Variants in GSTA2 observed in about 807,000 individuals in gnomAD.
GSTA2 encodes the protein glutathione S-transferase A2.
In GSTA2, 27 loss-of-function variants were observed where a neutral mutation model predicts 22.4. The ratio of observed to expected loss-of-function variants is 1.21; its 90% CI spans 0.89 to 1.67. The LOEUF is 1.67. Ranked by LOEUF, GSTA2 falls within the 40% of genes most tolerant of loss-of-function variation. The pLI, the probability that GSTA2 is intolerant of heterozygous loss-of-function variation, is 0.00. For missense variants in GSTA2, 302 were observed against 260.2 expected, an observed-to-expected ratio of 1.16 and a Z score of -1.11; for synonymous variants, 121 against 86.8, an observed-to-expected ratio of 1.39 and a Z score of -2.19.
chr6:52,750,676 G>A lies in GSTA2; in HGVS notation c.570C>T (p.Asn190=). The part of the protein sequence containing the change: ...LLKALKTRIS[N]LPTVKKFLQP... ...GTAGAAACTTCTTCACTGTGGGCAGGTTACTGATTCTGGTTTTCAGGGCCT... is the reference window on the plus strand; with the variant it reads ...GTAGAAACTTCTTCACTGTGGGCAGATTACTGATTCTGGTTTTCAGGGCCT... The change falls in exon 7 of 7, where the codon AAC becomes AAT. Residue 190 remains asparagine, a synonymous_variant. Transcript: ENST00000493422. 1 of 1,613,022 alleles carries A rather than the reference G, an allele frequency of 6.2e-7. No individual in the cohort carries two copies. Among genetic ancestry groups the A allele is most frequent in the Non-Finnish European group, 8.5e-7 (1 of 1,179,808 alleles).
chr6:52,752,479 G>A (rs1762762351), intron 5 of GSTA2, among the ~76,000 whole-genome samples: 1 of 152,178 alleles, frequency 6.6e-6, no homozygotes, highest in Non-Finnish European at 1.5e-5. Context: ...GTGCCAGAAT[G>A]TTTTCTGATG....
At chr6:52,756,635 T>G (rs2749005) in intron 2 of GSTA2, among the ~76,000 whole-genome samples, 111,080 of 152,138 alleles carry the variant, frequency 0.73, 41,470 homozygotes, top group African/African-American at 0.88. Context: ...TGTTGTCATA[T>G]CTTAGGAAAG....
chr6:52,753,020 G>A (rs370446598), intron 4 of GSTA2, 25 bp from the exon 5 acceptor site: 4 of 1,574,150 alleles, frequency 2.5e-6, no homozygotes, highest in South Asian at 2.4e-5. Context: ...CAACCAAATG[G>A]TCAAATATCT....
rs192840784 is a variant in GSTA2 at position 52,752,849 on chromosome 6, C to T, written c.414+5G>A. 240 of 1,613,678 alleles carry T rather than the reference C, an allele frequency of 1.5e-4. No homozygotes were observed. The highest frequency in any genetic ancestry group is 1.9e-4 in the Non-Finnish European group (220 of 1,179,732). On this transcript the variant is annotated splice_donor_5th_base_variant and intron_variant, in intron 5 of 6. Transcript: ENST00000493422. ...TTCCCCAAAACACTGAACAGCTTCA[C>T]TTACTTTTTCAAAGGCAGGGAAGTA...
At chr6:52,760,252 T>C (rs898978454) in intron 1 of GSTA2, among the ~76,000 whole-genome samples, 18 of 152,206 alleles carry the variant, frequency 1.2e-4, no homozygotes, top group African/African-American at 4.1e-4. Context: ...TCGAGGATCA[T>C]GTTTCAAAAG....
intron 4 of GSTA2, among the ~76,000 whole-genome samples, chr6:52,754,711 G>C (rs1436713538): frequency 6.6e-6 from 1 of 152,094 alleles, no homozygotes; most frequent in African/African-American, 2.4e-5. Flanking sequence ...ACCTTTGTCA[G>C]GGTGCTGTGT....
intron 4 of GSTA2, among the ~76,000 whole-genome samples, 157 bp from the exon 5 acceptor site, chr6:52,753,152 G>A (rs1309402480): frequency 6.8e-6 from 1 of 146,776 alleles, no homozygotes; most frequent in African/African-American, 2.7e-5. Flanking sequence ...AGTTTTACAG[G>A]TATATAGTCA....
intron 3 of GSTA2, among the ~76,000 whole-genome samples, chr6:52,755,919 T>C (rs565300737): frequency 2.8e-4 from 42 of 152,298 alleles, no homozygotes; most frequent in African/African-American, 9.6e-4. Context: ...GTCTAATGCA[T>C]GTTCTTGCAT....
At chr6:52,756,044 C>T (rs1762836490) in intron 3 of GSTA2, among the ~76,000 whole-genome samples, 1 of 152,142 alleles carries the variant, frequency 6.6e-6, no homozygotes, top group Non-Finnish European at 1.5e-5. Flanking sequence ...GATTGTTCCT[C>T]TAGCAAATAC....
At chr6:52,761,667 C>T (rs919654095) in intron 1 of GSTA2, among the ~76,000 whole-genome samples, 21 of 150,482 alleles carry the variant, frequency 1.4e-4, no homozygotes, top group African/African-American at 4.8e-4. Flanking sequence ...GGTAACACAG[C>T]CTTGCTTAGC....
chr6:52,762,664 C>T (rs1442646743), intron 1 of GSTA2, among the ~76,000 whole-genome samples: 3 of 152,304 alleles, frequency 2.0e-5, no homozygotes, highest in Non-Finnish European at 4.4e-5. Context: ...GCAGGTCCTC[C>T]ATATGCTGAG....
intron 4 of GSTA2, among the ~76,000 whole-genome samples, chr6:52,753,751 G>A (rs1762789926): frequency 6.6e-6 from 1 of 152,192 alleles, no homozygotes; most frequent in Non-Finnish European, 1.5e-5. Flanking sequence ...CACCTCTTAT[G>A]TTATACTATT....
chr6:52,757,845 C>T lies in GSTA2; in HGVS notation c.87+16G>A, dbSNP rs775912911. ...AATCGTAAATCTGACTTAAGATGAC[C>T]TAACTCAGAACCTACCTCTACTCCA... On this transcript the variant is annotated intron_variant, in intron 2 of 6. Transcript: ENST00000493422. 6.2e-7 allele frequency: 1 copy of T among 1,603,930 alleles called. No individual in the cohort carries two copies.
Position 52,750,430 on chromosome 6 carries a change from T to G in GSTA2, c.*147A>C, listed in dbSNP as rs1762713894. 5.9e-6 allele frequency: 4 copies of G among 673,802 alleles called. No homozygotes were observed. The East Asian group carries it at 1.1e-4, about 19-fold the overall frequency. 41.7% of individuals were successfully genotyped at this position (673,802 alleles called of 1,614,324 possible). On this transcript the variant is annotated 3_prime_UTR_variant, in exon 7 of 7. Coordinates refer to ENST00000493422, the MANE Select transcript of GSTA2 (RefSeq NM_000846.5). ...AATCAATTTTAACTAAGTGGGTGAA[T>G]AGGAGTTGTATTATTTAATTAGCAT...
intron 6 of GSTA2, 108 bp downstream of exon 6, chr6:52,751,469 G>A (rs1762733877): frequency 6.3e-7 from 1 of 1,595,314 alleles, no homozygotes; most frequent in Non-Finnish European, 8.6e-7. Flanking sequence ...GGGCACCAAA[G>A]GCCTGGAGAA....
intron 5 of GSTA2, 141 bp downstream of exon 5, chr6:52,752,713 A>T: frequency 1.0e-6 from 1 of 990,020 alleles, no homozygotes. Context: ...TTTTCATAAA[A>T]TGCCTTGAGA....
intron 3 of GSTA2, among the ~76,000 whole-genome samples, chr6:52,755,420 G>A (rs1277980500): frequency 6.6e-6 from 1 of 152,038 alleles, no homozygotes; most frequent in Non-Finnish European, 1.5e-5. Context: ...CACCATGTTG[G>A]CCAAACTGGT....
chr6:52,750,679 A>G lies in GSTA2; in HGVS notation c.567T>C (p.Ser189=), dbSNP rs757814430. ...GAAACTTCTTCACTGTGGGCAGGTTACTGATTCTGGTTTTCAGGGCCTGTA... is the reference window on the plus strand; with the variant it reads ...GAAACTTCTTCACTGTGGGCAGGTTGCTGATTCTGGTTTTCAGGGCCTGTA... ...PLLKALKTRI[S]NLPTVKKFLQ... is the part of the protein sequence containing the mutation. Residue 189 remains serine (S), a synonymous_variant, in exon 7 of 7, where the codon AGT becomes AGC. Coordinates refer to ENST00000493422, the MANE Select transcript of GSTA2 (RefSeq NM_000846.5). 1.9e-6 allele frequency: 3 copies of G among 1,612,890 alleles called. No individual in the cohort carries two copies. Among genetic ancestry groups the G allele is most frequent in the East Asian group, 2.2e-5 (1 of 44,862 alleles).
intron 2 of GSTA2, among the ~76,000 whole-genome samples, 175 bp downstream of exon 2, chr6:52,757,686 G>T (rs868525457): frequency 6.6e-5 from 10 of 152,268 alleles, no homozygotes; most frequent in Non-Finnish European, 1.5e-4. Context: ...TGCTTTTAGA[G>T]GAGAAGAAAT....
Sources: gnomAD v4.1 joint callset for allele counts (sites outside exome capture counted in the v4.1 genomes callset) on GRCh38, gnomAD v4.1.1 for gene constraint, MANE v1.5 for transcripts, NCBI Gene and HGNC (gene_info 2026-07-23, HGNC 2026-07-21) for gene names.